Variants in RIMBP2 observed in about 807,000 individuals in gnomAD.
RIMBP2 encodes the protein RIMS-binding protein 2.
Under a neutral mutation model 118.6 loss-of-function variants are expected in RIMBP2, and 48 were observed. That is an observed-to-expected ratio of 0.40 (90% CI 0.32 to 0.51). RIMBP2 has a LOEUF of 0.51. Among genes scored for constraint, RIMBP2 ranks in the 20% least tolerant of loss-of-function variants. The pLI is 0.41. For missense variants in RIMBP2, 1,551 were observed against 1,768.3 expected, an observed-to-expected ratio of 0.88 and a Z score of 2.20; for synonymous variants, 762 against 742.9, an observed-to-expected ratio of 1.03 and a Z score of -0.42.
chr12:130,480,237 C>CG (rs59071818), intron 4 of RIMBP2, among the ~76,000 whole-genome samples: 14,855 of 150,168 alleles, frequency 0.099, 883 homozygotes, highest in African/African-American at 0.15. Flanking sequence ...ACACACACAC[C>CG]TGTGGTAACT....
chr12:130,432,639 T>G (rs1461006789), intron 14 of RIMBP2, among the ~76,000 whole-genome samples: 2 of 152,132 alleles, frequency 1.3e-5, no homozygotes, highest in African/African-American at 2.4e-5. Context: ...ATACTAGGGA[T>G]GTACAGAGAA....
chr12:130,571,416 A>ACATTTTTT lies in RIMBP2; in HGVS notation c.-216-53500_-216-53499insAAAAAATG, dbSNP rs386378267. On this transcript the variant is annotated intron_variant, in intron 2 of 22. Coordinates refer to ENST00000690449, the MANE Select transcript of RIMBP2 (RefSeq NM_001393629.1). ...GTGTGCTACTGCTACCCATAGTAAC[A>ACATTTTTT]TTTTTTTTTTTTTTTTTTTTGGAGA... Among the ~76,000 whole-genome samples the ACATTTTTT allele has an allele frequency of 5.8e-5, 6 of 104,298 alleles. 3 individuals are homozygous for ACATTTTTT. Among genetic ancestry groups the ACATTTTTT allele is most frequent in the Non-Finnish European group, 4.2e-5 (2 of 47,254 alleles). The allele number at this position is 104,298 out of a possible 152,430, so 68.4% of individuals were successfully genotyped here.
chr12:130,627,063 C>CA (rs1460972683), intron 2 of RIMBP2, among the ~76,000 whole-genome samples: 1 of 152,118 alleles, frequency 6.6e-6, no homozygotes, highest in Admixed American at 6.6e-5. Context: ...TCTCCTCGAT[C>CA]AAGTCTACTG....
intron 4 of RIMBP2, among the ~76,000 whole-genome samples, chr12:130,487,295 T>C (rs890045662): frequency 6.6e-6 from 1 of 152,080 alleles, no homozygotes; most frequent in African/African-American, 2.4e-5. Context: ...GTGTTGGAGG[T>C]GGGGCCTGGT....
chr12:130,549,719 T>C (rs545601399), intron 2 of RIMBP2, among the ~76,000 whole-genome samples: 6 of 152,358 alleles, frequency 3.9e-5, no homozygotes, highest in African/African-American at 1.2e-4. Context: ...TAGTATTCCA[T>C]GGTGTACATG....
intron 2 of RIMBP2, among the ~76,000 whole-genome samples, chr12:130,588,854 T>C (rs1204300832): frequency 1.3e-5 from 2 of 152,240 alleles, no homozygotes; most frequent in African/African-American, 4.8e-5. Flanking sequence ...TCACAGAAGT[T>C]ATCTGATGTA....
chr12:130,414,429 G>A (rs1386217175), intron 17 of RIMBP2, 123 bp from the exon 18 acceptor site: 5 of 921,986 alleles, frequency 5.4e-6, no homozygotes, highest in Non-Finnish European at 8.1e-6. Context: ...TCTTTTTTGT[G>A]TCTTAACATG....
chr12:130,654,395 A>AT (rs955693170), intron 1 of RIMBP2, among the ~76,000 whole-genome samples: 1 of 152,242 alleles, frequency 6.6e-6, no homozygotes, highest in Non-Finnish European at 1.5e-5. Flanking sequence ...TTGCTTAGGC[A>AT]TAATATGGGT....
At position 130,414,116 on chromosome 12, in the gene RIMBP2, A is replaced by G; in HGVS notation, c.3420+9T>C. On this transcript the variant is annotated intron_variant, in intron 18 of 22. Transcript: ENST00000690449. The stretch of plus-strand genomic sequence containing the variant: ...CTGATGAAGCCGCCCGCAGGCAGCC[A>G]TCCCGCACCTTGATGATCTGGCCTT... 3 of 1,613,978 alleles carry G rather than the reference A, an allele frequency of 1.9e-6. No homozygotes were observed. Among genetic ancestry groups the G allele is most frequent in the Non-Finnish European group, 2.5e-6 (3 of 1,179,988 alleles).
At chr12:130,413,354 G>A (rs558936158) in intron 18 of RIMBP2, among the ~76,000 whole-genome samples, 1 of 152,190 alleles carries the variant, frequency 6.6e-6, no homozygotes, top group African/African-American at 2.4e-5. Context: ...CCTCTCAGAA[G>A]GCTGGATCTC....
Position 130,634,649 on chromosome 12 carries a change from T to C in RIMBP2, c.-351-6193A>G, listed in dbSNP as rs539658220. On this transcript the variant is annotated intron_variant, in intron 1 of 22. Coordinates refer to ENST00000690449, the MANE Select transcript of RIMBP2 (RefSeq NM_001393629.1). ...TTCTGCCACCTAGGCTGAAGTGCAG[T>C]GGCGTGATCTCAGCTCACTGCAGCC... Among the ~76,000 whole-genome samples the C allele has an allele frequency of 3.9e-4, 60 of 152,140 alleles. 1 individual carries two copies. The South Asian group carries it at 0.012, about 31-fold the overall frequency.
At chr12:130,658,301 T>C (rs1436018200) in intron 1 of RIMBP2, 1 of 152,180 alleles carries the variant, frequency 6.6e-6, no homozygotes, top group Non-Finnish European at 1.5e-5. Flanking sequence ...GGCTACTGTC[T>C]AGCAGCCACT....
intron 3 of RIMBP2, 99 bp from the exon 4 acceptor site, chr12:130,506,869 CT>C (rs2050407941): frequency 1.1e-6 from 1 of 869,598 alleles, no homozygotes; most frequent in East Asian, 1.2e-4. Context: ...CAATTTCCTC[CT>C]AGAGAATCCT....
chr12:130,613,890 T>TGCAG (rs1341627407), intron 2 of RIMBP2, among the ~76,000 whole-genome samples: 2 of 151,106 alleles, frequency 1.3e-5, no homozygotes, highest in African/African-American at 4.9e-5. Context: ...CTGCCTGGGA[T>TGCAG]GCAGGCACAA....
At chr12:130,404,216 A>G (rs554868849) in intron 21 of RIMBP2, among the ~76,000 whole-genome samples, 9 of 152,232 alleles carry the variant, frequency 5.9e-5, no homozygotes, top group Non-Finnish European at 7.3e-5. Flanking sequence ...ACACACACAC[A>G]CTTTTCCAAC....
At chr12:130,634,410 C>T (rs575137774) in intron 1 of RIMBP2, among the ~76,000 whole-genome samples, 15 of 152,176 alleles carry the variant, frequency 9.9e-5, no homozygotes, top group Admixed American at 3.9e-4. Flanking sequence ...CTATCTCACA[C>T]ACTCCTCATC....
At chr12:130,649,453 C>T (rs978124406) in intron 1 of RIMBP2, among the ~76,000 whole-genome samples, 3 of 152,216 alleles carry the variant, frequency 2.0e-5, no homozygotes, top group African/African-American at 7.2e-5. Flanking sequence ...CAGGGCTCCA[C>T]TCTCCCATTG....
At chr12:130,630,098 T>C (rs564485506) in intron 1 of RIMBP2, among the ~76,000 whole-genome samples, 1 of 152,008 alleles carries the variant, frequency 6.6e-6, no homozygotes, top group South Asian at 2.1e-4. Flanking sequence ...AAAAAGATAG[T>C]TGCTGAAATA....
chr12:130,664,031 T>A (rs10535737), intron 1 of RIMBP2, among the ~76,000 whole-genome samples: 89,399 of 150,790 alleles, frequency 0.59, 27,252 homozygotes, highest in Non-Finnish European at 0.66. Flanking sequence ...GGGTTTTTTT[T>A]AAAAAATCTA....
Sources: gnomAD v4.1 joint callset for allele counts (sites outside exome capture counted in the v4.1 genomes callset) on GRCh38, gnomAD v4.1.1 for gene constraint, MANE v1.5 for transcripts, NCBI Gene and HGNC (gene_info 2026-07-23, HGNC 2026-07-21) for gene names.